The following XIRP2 variants were observed in gnomAD, a reference collection of about 807,000 sequenced individuals.
The protein encoded by XIRP2 is xin actin binding repeat containing 2, also known as xin actin-binding repeat-containing protein 2.
XIRP2 carries 236 observed loss-of-function variants against 277.0 expected under a neutral mutation model. The observed-to-expected ratio is 0.85, with a 90% CI of 0.77 to 0.95. The LOEUF (loss-of-function observed/expected upper bound fraction) is 0.95. XIRP2 is among the 40% of genes least tolerant of loss of function. The pLI is 0.00. For missense variants in XIRP2, 4,640 were observed against 4,157.5 expected, an observed-to-expected ratio of 1.12 and a Z score of -3.19; for synonymous variants, 1,490 against 1,416.5, an observed-to-expected ratio of 1.05 and a Z score of -1.17.
intron 2 of XIRP2, among the ~76,000 whole-genome samples, chr2:167,028,516 T>C (rs1688238269): frequency 6.6e-6 from 1 of 152,092 alleles, no homozygotes; most frequent in Admixed American, 6.6e-5. Flanking sequence ...GGTTGCCCCT[T>C]AATGCAGAAA....
intron 2 of XIRP2, among the ~76,000 whole-genome samples, chr2:166,939,191 G>T (rs968270107): frequency 1.1e-4 from 17 of 152,082 alleles, no homozygotes; most frequent in Non-Finnish European, 1.9e-4. Flanking sequence ...TAGCATCGAT[G>T]GTCTTTACAA....
At chr2:167,010,800 G>A (rs1212267500) in intron 2 of XIRP2, among the ~76,000 whole-genome samples, 2 of 152,024 alleles carry the variant, frequency 1.3e-5, no homozygotes, top group Non-Finnish European at 2.9e-5. Context: ...CTTGTAAGTT[G>A]GATTCCTAGG....
intron 5 of XIRP2, among the ~76,000 whole-genome samples, chr2:167,239,534 G>A (rs73029753): frequency 0.19 from 29,528 of 152,088 alleles, 3,568 homozygotes; most frequent in African/African-American, 0.34. Flanking sequence ...TTAGCCCAGG[G>A]AAGTGGGCAG....
chr2:167,081,326 T>G (rs368290685), intron 2 of XIRP2, among the ~76,000 whole-genome samples: 1 of 151,924 alleles, frequency 6.6e-6, no homozygotes, highest in African/African-American at 2.4e-5. Flanking sequence ...TTAAAAAACT[T>G]AGTTGGGCCT....
At chr2:166,962,811 G>T (rs1036283307) in intron 2 of XIRP2, among the ~76,000 whole-genome samples, 5 of 151,680 alleles carry the variant, frequency 3.3e-5, no homozygotes, top group Non-Finnish European at 7.4e-5. Flanking sequence ...TCTAGAAAAG[G>T]TTGTAAATTA....
intron 2 of XIRP2, among the ~76,000 whole-genome samples, chr2:167,079,537 G>T (rs1036367466): frequency 6.6e-6 from 1 of 151,932 alleles, no homozygotes; most frequent in Admixed American, 6.6e-5. Context: ...ATCTGTTCAG[G>T]GTTTCAATTT....
chr2:167,005,646 G>A (rs1280718834), intron 2 of XIRP2, among the ~76,000 whole-genome samples: 1 of 151,782 alleles, frequency 6.6e-6, no homozygotes, highest in Non-Finnish European at 1.5e-5. Flanking sequence ...CACATTAGAA[G>A]AAGTTATGTA....
At chr2:167,158,157 CA>C (rs1324305849) in intron 3 of XIRP2, among the ~76,000 whole-genome samples, 2 of 152,136 alleles carry the variant, frequency 1.3e-5, no homozygotes, top group African/African-American at 4.8e-5. Context: ...CATATCCTTA[CA>C]AAATCCAACT....
intron 1 of XIRP2, among the ~76,000 whole-genome samples, chr2:166,900,051 C>T (rs117726284): frequency 6.6e-6 from 1 of 151,834 alleles, no homozygotes; most frequent in East Asian, 1.9e-4. Context: ...AAAATTTATC[C>T]ATGAATTTTT....
At chr2:167,156,662 G>A (rs1692207518) in intron 3 of XIRP2, among the ~76,000 whole-genome samples, 1 of 152,106 alleles carries the variant, frequency 6.6e-6, no homozygotes, top group African/African-American at 2.4e-5. Context: ...GATTGGGTAT[G>A]GATTATGCTT....
At chr2:167,092,522 T>G (rs80145555) in intron 2 of XIRP2, among the ~76,000 whole-genome samples, 4,790 of 152,240 alleles carry the variant, frequency 0.031, 103 homozygotes, top group East Asian at 0.051. Context: ...TGGGTGGCAC[T>G]ATAGTTAACT....
chr2:167,163,529 G>T (rs1173137495), intron 3 of XIRP2, among the ~76,000 whole-genome samples: 2 of 152,048 alleles, frequency 1.3e-5, no homozygotes, highest in Non-Finnish European at 2.9e-5. Flanking sequence ...TTATCTTGTT[G>T]TAGGTGTTCT....
chr2:166,952,326 A>G (rs1403196953), intron 2 of XIRP2, among the ~76,000 whole-genome samples: 1 of 152,034 alleles, frequency 6.6e-6, no homozygotes, highest in Admixed American at 6.6e-5. Context: ...GTAAGTGTTC[A>G]CTGAATTTAA....
At chr2:167,176,106 C>T (rs935043020) in intron 3 of XIRP2, among the ~76,000 whole-genome samples, 2 of 152,132 alleles carry the variant, frequency 1.3e-5, no homozygotes, top group Non-Finnish European at 2.9e-5. Flanking sequence ...TGGCTTCAGC[C>T]CCCTTTCCAG....
At chr2:167,124,247 A>G (rs1691136037) in intron 2 of XIRP2, 1 of 152,152 alleles carries the variant, frequency 6.6e-6, no homozygotes, top group Admixed American at 6.6e-5. Context: ...TCTCTCACGT[A>G]TCATGGGTTT....
chr2:167,061,931 A>G (rs1179275896), intron 2 of XIRP2, among the ~76,000 whole-genome samples: 1 of 152,200 alleles, frequency 6.6e-6, no homozygotes, highest in Admixed American at 6.5e-5. Flanking sequence ...CAAGTCTGTA[A>G]TCATTTTTTA....
chr2:167,231,385 C>A (rs1017714169), intron 5 of XIRP2, among the ~76,000 whole-genome samples: 1 of 151,898 alleles, frequency 6.6e-6, no homozygotes, highest in African/African-American at 2.4e-5. Context: ...ATGGAACATA[C>A]GTTACCAAAA....
intron 2 of XIRP2, among the ~76,000 whole-genome samples, chr2:166,939,648 C>G (rs1243826864): frequency 7.7e-6 from 1 of 130,608 alleles, no homozygotes; most frequent in Non-Finnish European, 1.5e-5. Flanking sequence ...CCACTGCACT[C>G]TGGCCTGGGC....
chr2:167,250,370 G>A lies in XIRP2; in HGVS notation c.8978G>A (p.Arg2993Lys). 2 of 1,613,520 alleles carry A rather than the reference G, an allele frequency of 1.2e-6. No individual in the cohort carries two copies. The highest frequency in any genetic ancestry group is 1.7e-6 in the Non-Finnish European group (2 of 1,179,696). The change falls in exon 9 of 11, where the codon AGA becomes AAA. Residue 2993 changes from arginine (R) to lysine (K), a missense_variant. Transcript: ENST00000409195. The part of the protein sequence containing the change: ...IPGWLISEDK[R>K]EYAVHIAMEN... ...GGATGGCTGATAAGTGAAGATAAGA[G>A]AGAATATGCAGTTCACATTGCCATG...
Sources: gnomAD v4.1 joint callset for allele counts (sites outside exome capture counted in the v4.1 genomes callset) on GRCh38, gnomAD v4.1.1 for gene constraint, MANE v1.5 for transcripts, NCBI Gene and HGNC (gene_info 2026-07-23, HGNC 2026-07-21) for gene names.